The following THEMIS variants were observed in gnomAD, a reference collection of about 807,000 sequenced individuals.
THEMIS encodes the protein thymocyte selection associated.
In THEMIS, 37 loss-of-function variants were observed where a neutral mutation model predicts 52.6. The ratio of observed to expected loss-of-function variants is 0.70; its 90% CI spans 0.54 to 0.93. THEMIS has a LOEUF of 0.93. THEMIS is among the 40% of genes least tolerant of loss of function. THEMIS has a pLI of 0.00. For missense variants in THEMIS, 808 were observed against 763.1 expected (o/e 1.06, Z -0.69); for synonymous variants, 292 against 272.7 (o/e 1.07, Z -0.70).
At chr6:127,706,991 C>G (rs530873682), downstream of THEMIS, among the ~76,000 whole-genome samples, 1 of 152,228 alleles carries the variant, frequency 6.6e-6, no homozygotes, top group Admixed American at 6.5e-5. Flanking sequence ...TTCAGCATGG[C>G]TGGGGAGGCC....
chr6:127,777,188 G>GT (rs1047703562), intron 4 of THEMIS, among the ~76,000 whole-genome samples: 2,517 of 137,794 alleles, frequency 0.018, 63 homozygotes, highest in African/African-American at 0.057. Flanking sequence ...AACACCTTGG[G>GT]TTTTTTTTTT....
At chr6:127,699,870 C>A in the THEMIS span, among the ~76,000 whole-genome samples, 1 of 151,706 alleles carries the variant, frequency 6.6e-6, no homozygotes, top group Non-Finnish European at 1.5e-5. Context: ...GAAGAAAATG[C>A]AATAGAAACT....
the THEMIS span, among the ~76,000 whole-genome samples, chr6:127,703,042 T>G: frequency 4.7e-5 from 5 of 106,556 alleles, 1 homozygote; most frequent in Non-Finnish European, 1.0e-4. Flanking sequence ...TGAGTTTTTT[T>G]TTTTTTTTTT....
chr6:127,904,327 T>G (rs1322619630), upstream of THEMIS, among the ~76,000 whole-genome samples: 1 of 152,042 alleles, frequency 6.6e-6, no homozygotes, highest in Non-Finnish European at 1.5e-5. Context: ...CTTTCAGCAG[T>G]CTTGCAGAAC....
At chr6:127,778,361 A>G (rs562644771) in intron 4 of THEMIS, among the ~76,000 whole-genome samples, 1 of 152,138 alleles carries the variant, frequency 6.6e-6, no homozygotes, top group Non-Finnish European at 1.5e-5. Flanking sequence ...ATAATCAACG[A>G]ACATCTGTTT....
chr6:127,713,146 T>C (rs1237081657), intron 5 of THEMIS, among the ~76,000 whole-genome samples: 1 of 151,904 alleles, frequency 6.6e-6, no homozygotes, highest in Non-Finnish European at 1.5e-5. Flanking sequence ...ATTCATGTTT[T>C]CATATTTTTA....
intron 4 of THEMIS, among the ~76,000 whole-genome samples, chr6:127,730,286 GAAAAGA>G (rs1562219750): frequency 2.7e-5 from 3 of 109,800 alleles, no homozygotes; most frequent in African/African-American, 1.1e-4. Flanking sequence ...ATAAAGAAAA[GAAAAGA>G]AAAGAAAAGA....
intron 4 of THEMIS, among the ~76,000 whole-genome samples, chr6:127,766,974 T>C (rs1776220855): frequency 6.6e-6 from 1 of 152,340 alleles, no homozygotes. Flanking sequence ...CAATAATAAA[T>C]TAAACTTAGC....
chr6:127,797,560 G>A (rs1399840714), intron 4 of THEMIS, among the ~76,000 whole-genome samples: 1 of 152,146 alleles, frequency 6.6e-6, no homozygotes, highest in Non-Finnish European at 1.5e-5. Context: ...GCAGATATGG[G>A]TCAAAGGCCA....
intron 4 of THEMIS, among the ~76,000 whole-genome samples, chr6:127,740,635 T>C (rs953452462): frequency 6.6e-6 from 1 of 152,114 alleles, no homozygotes; most frequent in Non-Finnish European, 1.5e-5. Context: ...ATAACGGCCA[T>C]TTTTTTCTTT....
chr6:127,798,735 A>T (rs894398202), intron 4 of THEMIS, among the ~76,000 whole-genome samples: 2 of 152,198 alleles, frequency 1.3e-5, no homozygotes, highest in African/African-American at 2.4e-5. Context: ...TCACGCCTGT[A>T]ATCCCAGCAC....
At chr6:127,720,210 G>C (rs1429259869) in intron 4 of THEMIS, among the ~76,000 whole-genome samples, 3 of 151,702 alleles carry the variant, frequency 2.0e-5, no homozygotes, top group South Asian at 2.1e-4. Context: ...ATCAAAAGCA[G>C]ATTTCATTTC....
chr6:127,737,703 A>T (rs1775055420), intron 4 of THEMIS, among the ~76,000 whole-genome samples: 2 of 152,200 alleles, frequency 1.3e-5, no homozygotes, highest in African/African-American at 4.8e-5. Context: ...TAAAAATCTT[A>T]TCACAATGAT....
chr6:127,703,458 T>C (rs1183590332), downstream of THEMIS, among the ~76,000 whole-genome samples: 4 of 152,152 alleles, frequency 2.6e-5, no homozygotes, highest in African/African-American at 9.7e-5. Flanking sequence ...GCAAGTACTA[T>C]GTGGGGCAAG....
In THEMIS at chr6:127,812,953, A is replaced by G. The variant is rs200347578; in HGVS notation, c.1688T>C (p.Val563Ala). ...TAGCAGGGTTAACTTTGTTTCCTCTACTGAGGGGTGTTTCGGAGGGCGAGG... is the reference window on the plus strand; with the variant it reads ...TAGCAGGGTTAACTTTGTTTCCTCTGCTGAGGGGTGTTTCGGAGGGCGAGG... Reference protein sequence around the residue: ...PPPRPPKHPSVEETKLTLLTL... With the variant: ...PPPRPPKHPSAEETKLTLLTL... The change falls in exon 4 of 6, where the codon GTA becomes GCA. Residue 563 changes from valine (V) to alanine (A), a missense_variant. By Grantham distance (64) the Val-to-Ala change is moderately conservative. Coordinates refer to ENST00000368248, the MANE Select transcript of THEMIS (RefSeq NM_001010923.3). 61 of 1,613,878 alleles carry G rather than the reference A, an allele frequency of 3.8e-5. No individual in the cohort carries two copies. The highest frequency in any genetic ancestry group is 3.8e-5 in the Non-Finnish European group (45 of 1,179,990).
chr6:127,740,046 A>T (rs1775145450), intron 4 of THEMIS, among the ~76,000 whole-genome samples: 1 of 152,168 alleles, frequency 6.6e-6, no homozygotes. Flanking sequence ...ATGTAAGGAC[A>T]GGGTTGGAAA....
intron 1 of THEMIS, among the ~76,000 whole-genome samples, chr6:127,882,969 T>C (rs1780532757): frequency 6.6e-6 from 1 of 151,996 alleles, no homozygotes; most frequent in Non-Finnish European, 1.5e-5. Flanking sequence ...ATAAGAGTCA[T>C]GTTCATATAA....
At chr6:127,761,835 A>G (rs1480880358) in intron 4 of THEMIS, among the ~76,000 whole-genome samples, 1 of 152,120 alleles carries the variant, frequency 6.6e-6, no homozygotes, top group Non-Finnish European at 1.5e-5. Flanking sequence ...ATTATGGAAA[A>G]CAGTATGGAG....
intron 4 of THEMIS, among the ~76,000 whole-genome samples, chr6:127,731,464 T>C (rs1341472960): frequency 3.9e-5 from 6 of 152,046 alleles, no homozygotes; most frequent in African/African-American, 1.2e-4. Flanking sequence ...CAAACTATAA[T>C]AACAGCTAAC....
Sources: allele counts gnomAD v4.1 joint callset (sites outside exome capture counted in the v4.1 genomes callset), GRCh38; gene constraint gnomAD v4.1.1; transcripts MANE v1.5; gene names NCBI Gene and HGNC (gene_info 2026-07-23, HGNC 2026-07-21).